TAC4: variants seen among roughly 807,000 people sequenced by gnomAD.
TAC4 encodes tachykinin-4.
Under a neutral mutation model 17.7 loss-of-function variants are expected in TAC4, and 17 were observed. The ratio of observed to expected loss-of-function variants is 0.96; its 90% CI spans 0.66 to 1.44. TAC4 has a LOEUF of 1.44. TAC4 is among the 40% of genes most tolerant of loss of function. The probability of loss-of-function intolerance (pLI) is 0.00; values close to 1 mark genes in which losing one functional copy is unlikely to be tolerated. For synonymous variants in TAC4, 62 were observed against 52.4 expected (o/e 1.18, Z -0.79); for missense variants, 118 against 125.6 (o/e 0.94, Z 0.29).
At position 49,844,111 on chromosome 17, in the gene TAC4, G is replaced by A. The variant is rs557779883; in HGVS notation, c.152C>T (p.Thr51Met). The change falls in exon 2 of 5, where the codon ACG (threonine) becomes ATG (methionine). Residue 51 changes from threonine (T) to methionine (M), a missense_variant. By Grantham distance (81) the Thr-to-Met change is moderately conservative. Coordinates refer to ENST00000436235, the MANE Select transcript of TAC4 (RefSeq NM_001077506.2). ...CCCAAAGAACTGGCTTGCCTTGCCCGTCTTCACCTCCTGCAGCTGGAGCTG... is the reference window on the plus strand; with the variant it reads ...CCCAAAGAACTGGCTTGCCTTGCCCATCTTCACCTCCTGCAGCTGGAGCTG... ...SIQLQLQEVK[T>M]GKASQFFGLM... 13 of 1,613,798 alleles carry A rather than the reference G, an allele frequency of 8.1e-6. No homozygotes were observed. In the African/African-American group the frequency reaches 1.1e-4, roughly 13 times the overall value.
At chr17:49,847,314 C>G (rs1168563458) in intron 1 of TAC4, 1 of 1,224,986 alleles carries the variant, frequency 8.2e-7, no homozygotes, top group Admixed American at 2.5e-5. Context: ...GGATCTTTGC[C>G]TCCCCAATCA....
At chr17:49,847,116 T>C in intron 1 of TAC4, 1 of 1,289,902 alleles carries the variant, frequency 7.8e-7, no homozygotes, top group South Asian at 1.2e-5. Flanking sequence ...GACCTCATCG[T>C]GGCCCAGGAC....
intron 4 of TAC4, 83 bp from the exon 5 acceptor site, chr17:49,838,756 A>G (rs1311408871): frequency 1.4e-6 from 2 of 1,429,420 alleles, no homozygotes; most frequent in Non-Finnish European, 1.9e-6. Context: ...CCCTAGTTGC[A>G]TTGAAGGCCT....
chr17:49,841,508 C>A (rs1285050363), intron 3 of TAC4, 44 bp downstream of exon 3: 1 of 1,532,198 alleles, frequency 6.5e-7, no homozygotes, highest in Non-Finnish European at 8.8e-7. Flanking sequence ...ACAACTCAGC[C>A]CTCCCTAGGG....
intron 1 of TAC4, among the ~76,000 whole-genome samples, chr17:49,844,989 T>G (rs558861021): frequency 2.6e-5 from 4 of 152,318 alleles, no homozygotes; most frequent in African/African-American, 9.6e-5. Flanking sequence ...GGGAAGAGGC[T>G]GAGCCAAGAT....
Position 49,838,500 on chromosome 17 carries a change from G to T in TAC4, c.*142C>A, listed in dbSNP as rs2144029288. 1.0e-6 allele frequency: 1 copy of T among 983,418 alleles called. No individual in the cohort carries two copies. Among genetic ancestry groups the T allele is most frequent in the Non-Finnish European group, 1.6e-6 (1 of 631,788 alleles). 60.9% of individuals were successfully genotyped at this position (983,418 alleles called of 1,614,324 possible). On this transcript the variant is annotated 3_prime_UTR_variant, in exon 5 of 5. Transcript: ENST00000436235. Reference sequence around the variant, plus strand: ...GAGAGTCCAGGAAGAAGCCCAGTGGGTTCAGTGTGGGCCTTGTGTGAAGTG... The same window carrying T: ...GAGAGTCCAGGAAGAAGCCCAGTGGTTTCAGTGTGGGCCTTGTGTGAAGTG...
intron 3 of TAC4, 28 bp downstream of exon 3, chr17:49,841,524 G>A (rs566218480): frequency 2.6e-6 from 4 of 1,563,760 alleles, no homozygotes; most frequent in Admixed American, 3.8e-5. Context: ...TAGGGGGCAT[G>A]TTGAAGGCAG....
intron 2 of TAC4, among the ~76,000 whole-genome samples, chr17:49,843,035 T>G (rs930871453): frequency 2.0e-5 from 3 of 152,200 alleles, no homozygotes; most frequent in African/African-American, 7.2e-5. Context: ...TCCGAATTCT[T>G]GCTATTACAA....
intron 2 of TAC4, among the ~76,000 whole-genome samples, chr17:49,842,959 C>T (rs1339781080): frequency 6.6e-6 from 1 of 152,156 alleles, no homozygotes; most frequent in Admixed American, 6.5e-5. Context: ...TCTTTAATGG[C>T]CACAAGGGTT....
intron 1 of TAC4, among the ~76,000 whole-genome samples, chr17:49,845,259 T>A (rs909833809): frequency 2.0e-5 from 3 of 152,214 alleles, no homozygotes; most frequent in African/African-American, 7.2e-5. Context: ...GGCAAAGACA[T>A]TTTAATCGTT....
intron 2 of TAC4, among the ~76,000 whole-genome samples, 180 bp downstream of exon 2, chr17:49,843,884 G>GC (rs1383152206): frequency 2.6e-5 from 4 of 152,066 alleles, no homozygotes; most frequent in African/African-American, 9.7e-5. Flanking sequence ...ATGAGCCACT[G>GC]CCCCCCAGCC....
chr17:49,838,585 A>G lies in TAC4; in HGVS notation c.*57T>C. On this transcript the variant is annotated 3_prime_UTR_variant, in exon 5 of 5. Coordinates refer to ENST00000436235, the MANE Select transcript of TAC4 (RefSeq NM_001077506.2). The stretch of plus-strand genomic sequence containing the variant: ...TTGGCCTGCCGGCTTGTCAGCTGTG[A>G]CATCCAGGTAGGAAGAAGCGGCACC... The G allele has an allele frequency of 6.2e-7, 1 of 1,610,008 alleles. No homozygotes were observed. The highest frequency in any genetic ancestry group is 8.5e-7 in the Non-Finnish European group (1 of 1,176,650).
chr17:49,847,676 C>G (rs1377240518), intron 1 of TAC4: 2 of 488,026 alleles, frequency 4.1e-6, no homozygotes, highest in African/African-American at 2.5e-5. Flanking sequence ...TTCTTACACA[C>G]ACACACACAC....
At chr17:49,847,098 C>G (rs887409121) in intron 1 of TAC4, 1 of 1,289,916 alleles carries the variant, frequency 7.8e-7, no homozygotes, top group Non-Finnish European at 1.0e-6. Flanking sequence ...TTTCTAAGCG[C>G]CTCCGAGGAC....
intron 4 of TAC4, 128 bp from the exon 5 acceptor site, chr17:49,838,801 A>G (rs1284371221): frequency 1.2e-6 from 1 of 854,546 alleles, no homozygotes; most frequent in Non-Finnish European, 1.8e-6. Context: ...TTCTGGAGAT[A>G]TCTAGGGCAA....
rs555349635 is a variant in TAC4, at chr17:49,847,853, C to T, written c.105+60G>A. The T allele has an allele frequency of 8.1e-5, 130 of 1,612,194 alleles. 1 individual carries two copies. The South Asian group carries it at 9.6e-4, about 12-fold the overall frequency. ...AGGGGATCTTCTGCCTCTGCACTGC[C>T]GATTATCCCCTGCCCTCGTCAGAGC... is the stretch of plus-strand genomic sequence containing the variant. On this transcript the variant is annotated intron_variant, in intron 1 of 4. Coordinates refer to ENST00000436235, the MANE Select transcript of TAC4 (RefSeq NM_001077506.2).
In TAC4 at chr17:49,844,240, G is replaced by A. The variant is rs570870518; in HGVS notation, c.106-83C>T. On this transcript the variant is annotated intron_variant, in intron 1 of 4. Transcript: ENST00000436235. ...AGCCTGGGCAATGGCAATCTCAGGA[G>A]TGACAGCTGGTGGTCAGCAGAGACT... 23 of 1,294,092 alleles carry A rather than the reference G, an allele frequency of 1.8e-5. No homozygotes were observed. In the South Asian group the frequency reaches 2.3e-4, roughly 13 times the overall value. The allele number at this position is 1,294,092 out of a possible 1,614,324, so 80.2% of individuals were successfully genotyped here.
intron 2 of TAC4, among the ~76,000 whole-genome samples, chr17:49,843,211 A>G (rs1162127118): frequency 6.6e-6 from 1 of 152,242 alleles, no homozygotes; most frequent in Non-Finnish European, 1.5e-5. Context: ...ACACCAAGCC[A>G]ACACGGAGCA....
intron 1 of TAC4, 24 bp from the exon 2 acceptor site, chr17:49,844,181 T>TA: frequency 6.2e-7 from 1 of 1,612,410 alleles, no homozygotes; most frequent in Non-Finnish European, 8.5e-7. Flanking sequence ...GAGTTAGTGT[T>TA]AGAGTTGGGA....
Sources: gnomAD v4.1 joint callset for allele counts (sites outside exome capture counted in the v4.1 genomes callset) on GRCh38, gnomAD v4.1.1 for gene constraint, MANE v1.5 for transcripts, NCBI Gene and HGNC (gene_info 2026-07-23, HGNC 2026-07-21) for gene names.